Variants in MTUS2 observed in about 807,000 individuals in gnomAD.
MTUS2 encodes microtubule associated scaffold protein 2, also known as microtubule-associated tumor suppressor candidate 2.
MTUS2 carries 40 observed loss-of-function variants against 114.1 expected under a neutral mutation model. That is an observed-to-expected ratio of 0.35 (90% CI 0.27 to 0.46). The LOEUF is 0.46. MTUS2 is among the 20% of genes least tolerant of loss of function. The probability of loss-of-function intolerance (pLI) is 1.00; values close to 1 mark genes in which losing one functional copy is unlikely to be tolerated. For synonymous variants in MTUS2, 688 were observed against 672.0 expected, an observed-to-expected ratio of 1.02 and a Z score of -0.37; for missense variants, 1,679 against 1,705.4, an observed-to-expected ratio of 0.98 and a Z score of 0.27.
At chr13:28,972,310 C>T (rs543668083) in intron 2 of MTUS2, among the ~76,000 whole-genome samples, 59 of 152,248 alleles carry the variant, frequency 3.9e-4, no homozygotes, top group African/African-American at 1.3e-3. Context: ...CCGGTTCTTC[C>T]GGGACACTTG....
chr13:29,017,703 GA>G (rs11369162), intron 2 of MTUS2, among the ~76,000 whole-genome samples: 77 of 145,172 alleles, frequency 5.3e-4, no homozygotes, highest in South Asian at 1.3e-3. Context: ...TTGAAAGATT[GA>G]AAAAAAAAAA....
intron 5 of MTUS2, among the ~76,000 whole-genome samples, chr13:29,145,831 C>T (rs528347861): frequency 6.6e-6 from 1 of 152,120 alleles, no homozygotes; most frequent in Non-Finnish European, 1.5e-5. Context: ...TGCATAATTA[C>T]AATAGCAAGA....
chr13:28,990,150 G>A (rs1235029995), intron 2 of MTUS2, among the ~76,000 whole-genome samples: 2 of 152,214 alleles, frequency 1.3e-5, no homozygotes, highest in Non-Finnish European at 2.9e-5. Flanking sequence ...GGCACAAGAT[G>A]TTTTGGAGGT....
chr13:29,056,698 T>C (rs1234120890), intron 4 of MTUS2, among the ~76,000 whole-genome samples: 1 of 152,146 alleles, frequency 6.6e-6, no homozygotes, highest in African/African-American at 2.4e-5. Context: ...GCATCGTCTC[T>C]CTTTTTTTAA....
intron 6 of MTUS2, chr13:29,307,179 C>T (rs1413459090): frequency 9.7e-6 from 5 of 514,248 alleles, no homozygotes; most frequent in East Asian, 4.2e-5. Flanking sequence ...TCGTGATGGG[C>T]GTGACCCATG....
intron 2 of MTUS2, among the ~76,000 whole-genome samples, chr13:28,945,562 A>G (rs980217918): frequency 1.3e-5 from 2 of 152,074 alleles, no homozygotes; most frequent in African/African-American, 4.8e-5. Flanking sequence ...TTTAATTTGC[A>G]TTTCTGATGA....
chr13:29,468,964 C>A (rs911788673), intron 9 of MTUS2, among the ~76,000 whole-genome samples: 5 of 152,168 alleles, frequency 3.3e-5, no homozygotes, highest in Non-Finnish European at 1.5e-5. Flanking sequence ...AACTGGTACA[C>A]CTTTCCCTGT....
chr13:29,004,213 C>CATGA (rs1430738289), intron 2 of MTUS2, among the ~76,000 whole-genome samples: 6 of 152,082 alleles, frequency 3.9e-5, no homozygotes, highest in African/African-American at 1.2e-4. Context: ...TGCATGCATG[C>CATGA]ATGCATGTAC....
chr13:29,444,658 C>T (rs1383428621), intron 9 of MTUS2, among the ~76,000 whole-genome samples: 1 of 152,110 alleles, frequency 6.6e-6, no homozygotes, highest in South Asian at 2.1e-4. Flanking sequence ...TGATTTGGGC[C>T]AGGGACAGGG....
intron 7 of MTUS2, among the ~76,000 whole-genome samples, chr13:29,334,775 C>T (rs181911552): frequency 6.6e-4 from 101 of 152,198 alleles, no homozygotes; most frequent in Admixed American, 1.2e-3. Flanking sequence ...GGACCCCGAA[C>T]GGAGGGACTG....
intron 5 of MTUS2, among the ~76,000 whole-genome samples, chr13:29,164,957 T>A (rs1893254618): frequency 6.6e-6 from 1 of 152,174 alleles, no homozygotes; most frequent in Admixed American, 6.5e-5. Flanking sequence ...ATTTTAAAAA[T>A]TTCTTAGAAA....
At position 29,500,896 on chromosome 13, in the gene MTUS2, GCATTTTCTATTCTGTTT is replaced by G. The variant is rs896314037; in HGVS notation, c.3799-195_3799-179del. ...AATTTGCTACCTACAGTGCACATGG[GCATTTTCTATTCTGTTT>G]CATTTAAAGAAGAAATGCTGGTCAC... On this transcript the variant is annotated intron_variant, in intron 14 of 15. Transcript: ENST00000612955. Among the ~76,000 whole-genome samples, 12 of 151,768 alleles carry G rather than the reference GCATTTTCTATTCTGTTT, an allele frequency of 7.9e-5. No homozygotes were observed. In the South Asian group the frequency reaches 1.3e-3, roughly 16 times the overall value.
chr13:29,052,459 CAAAAAAAA>C lies in MTUS2; in HGVS notation c.2446+18345_2446+18352del, dbSNP rs11325314. 8.1e-3 allele frequency among the ~76,000 whole-genome samples: 764 copies of C among 94,888 alleles called. 6 individuals are homozygous for C. Among genetic ancestry groups the C allele is most frequent in the Non-Finnish European group, 0.011 (537 of 47,592 alleles). 62.3% of individuals were successfully genotyped at this position (94,888 alleles called of 152,430 possible). ...TCACACCACTGCATGCTAGCCTGAG[CAAAAAAAA>C]AAAAAAAAAAGAAAAGGAAAAGAAA... On this transcript the variant is annotated intron_variant, in intron 4 of 15. Transcript: ENST00000612955.
At chr13:29,165,562 G>A (rs1893282670) in intron 5 of MTUS2, among the ~76,000 whole-genome samples, 1 of 152,162 alleles carries the variant, frequency 6.6e-6, no homozygotes, top group Admixed American at 6.5e-5. Context: ...AATGTGTGGG[G>A]CCAGTCCTTC....
chr13:29,392,035 G>A (rs1284344121), intron 8 of MTUS2, among the ~76,000 whole-genome samples: 1 of 149,762 alleles, frequency 6.7e-6, no homozygotes, highest in Non-Finnish European at 1.5e-5. Context: ...GGCTGAGGCA[G>A]GAGAATCACT....
intron 8 of MTUS2, among the ~76,000 whole-genome samples, chr13:29,434,761 ATG>A (rs1206639219): frequency 6.6e-5 from 10 of 152,224 alleles, no homozygotes; most frequent in Non-Finnish European, 1.5e-4. Context: ...TTGACCACAC[ATG>A]TTAAAATAAC....
chr13:29,157,801 T>G (rs1369145358), intron 5 of MTUS2, among the ~76,000 whole-genome samples: 2 of 151,268 alleles, frequency 1.3e-5, no homozygotes, highest in African/African-American at 4.8e-5. Flanking sequence ...GATAGATAGA[T>G]ATAGATACAG....
intron 2 of MTUS2, among the ~76,000 whole-genome samples, chr13:28,949,428 T>C (rs1882700108): frequency 6.6e-6 from 1 of 152,240 alleles, no homozygotes; most frequent in Non-Finnish European, 1.5e-5. Flanking sequence ...TTAATTACAA[T>C]ATCCAATTCT....
chr13:29,327,632 T>A (rs1900581799), intron 7 of MTUS2, among the ~76,000 whole-genome samples: 1 of 152,176 alleles, frequency 6.6e-6, no homozygotes, highest in Admixed American at 6.5e-5. Flanking sequence ...TTGATGGAAA[T>A]TGGGGCTTTC....
Sources: gnomAD v4.1 joint callset for allele counts (sites outside exome capture counted in the v4.1 genomes callset) on GRCh38, gnomAD v4.1.1 for gene constraint, MANE v1.5 for transcripts, NCBI Gene and HGNC (gene_info 2026-07-23, HGNC 2026-07-21) for gene names.